Variants in THSD7B observed in about 807,000 individuals in gnomAD.
The protein encoded by THSD7B is thrombospondin type-1 domain-containing protein 7B.
Under a neutral mutation model 213.6 loss-of-function variants are expected in THSD7B, and 138 were observed. The ratio of observed to expected loss-of-function variants is 0.65; its 90% CI spans 0.56 to 0.74. The LOEUF is 0.74. Among genes scored for constraint, THSD7B ranks in the 30% least tolerant of loss-of-function variants. The probability of loss-of-function intolerance (pLI) is 0.00; values close to 1 mark genes in which losing one functional copy is unlikely to be tolerated. For missense variants in THSD7B, 1,931 were observed against 1,991.5 expected (o/e 0.97, Z 0.58); for synonymous variants, 742 against 687.0 (o/e 1.08, Z -1.25).
intron 2 of THSD7B, among the ~76,000 whole-genome samples, chr2:137,037,587 A>G (rs1032611786): frequency 1.3e-5 from 2 of 152,048 alleles, no homozygotes; most frequent in African/African-American, 4.8e-5. Context: ...ATTTCCCAAC[A>G]GGTCTTGATT....
intron 3 of THSD7B, among the ~76,000 whole-genome samples, chr2:137,057,594 G>A (rs1238044525): frequency 6.6e-6 from 1 of 152,182 alleles, no homozygotes; most frequent in Non-Finnish European, 1.5e-5. Flanking sequence ...AATTTCAAAT[G>A]TGGGATATGA....
At chr2:137,670,731 C>T (rs889968671) in intron 27 of THSD7B, among the ~76,000 whole-genome samples, 3 of 152,048 alleles carry the variant, frequency 2.0e-5, no homozygotes, top group African/African-American at 4.8e-5. Flanking sequence ...ACCATCCTAT[C>T]TAACACAGTG....
chr2:137,360,072 T>C (rs1685219426), intron 12 of THSD7B, among the ~76,000 whole-genome samples: 1 of 152,194 alleles, frequency 6.6e-6, no homozygotes. Context: ...TACTAAAAAT[T>C]AACTTGTCAA....
Position 137,430,779 on chromosome 2 carries a change from T to C in THSD7B, c.2959+18907T>C, listed in dbSNP as rs540048796. 6.6e-5 allele frequency among the ~76,000 whole-genome samples: 10 copies of C among 152,220 alleles called. No homozygotes were observed. In the East Asian group the frequency reaches 1.7e-3, roughly 26 times the overall value. On this transcript the variant is annotated intron_variant, in intron 14 of 27. Coordinates refer to ENST00000409968, the MANE Select transcript of THSD7B (RefSeq NM_001316349.2). ...AGAAACCAGCCAGGAGAGAGTGACG[T>C]TGGTCCTGGAGAGTGTGAGACAAGT...
chr2:137,348,902 C>T (rs1362526375), intron 12 of THSD7B, among the ~76,000 whole-genome samples: 1 of 151,228 alleles, frequency 6.6e-6, no homozygotes, highest in Non-Finnish European at 1.5e-5. Flanking sequence ...AGGAGGTTCA[C>T]TTTTTCTGGA....
chr2:137,040,927 G>A (rs536460232), intron 2 of THSD7B, among the ~76,000 whole-genome samples: 9 of 152,272 alleles, frequency 5.9e-5, no homozygotes, highest in African/African-American at 1.9e-4. Flanking sequence ...GAATTATGAG[G>A]TACTCAAACT....
chr2:137,250,103 A>C (rs567130223), intron 10 of THSD7B, among the ~76,000 whole-genome samples: 3 of 152,312 alleles, frequency 2.0e-5, no homozygotes, highest in East Asian at 3.9e-4. Context: ...AGCTACAGAA[A>C]GGCAAGCTAG....
chr2:136,947,689 C>T (rs2105068139), intron 2 of THSD7B, among the ~76,000 whole-genome samples: 1 of 152,310 alleles, frequency 6.6e-6, no homozygotes, highest in East Asian at 1.9e-4. Flanking sequence ...ATAAATCCTA[C>T]ATTGGTTTTT....
chr2:137,572,452 C>G lies in THSD7B; in HGVS notation c.3319C>G (p.Leu1107Val), dbSNP rs752857527. The change falls in exon 17 of 28, where the codon CTG becomes GTG. Residue 1107 changes from leucine to valine, a missense_variant. Physicochemically the swap from Leu to Val is conservative, Grantham distance 32. Coordinates refer to ENST00000409968, the MANE Select transcript of THSD7B (RefSeq NM_001316349.2). ...DGEGGAVDSN[L>V]CNQDEIPPET... ...TGAAGGTGGAGCAGTGGATAGCAAC[C>G]TGTGCAACCAGGATGAAATTCCCCC... 6.2e-7 allele frequency: 1 copy of G among 1,613,904 alleles called. No homozygotes were observed. Among genetic ancestry groups the G allele is most frequent in the South Asian group, 1.1e-5 (1 of 91,076 alleles).
At chr2:136,957,445 T>C (rs1014786519) in intron 2 of THSD7B, among the ~76,000 whole-genome samples, 1 of 152,042 alleles carries the variant, frequency 6.6e-6, no homozygotes, top group African/African-American at 2.4e-5. Context: ...ACGTTTTTTT[T>C]TTTTTTTCTT....
chr2:136,817,483 T>C (rs1682493542), intron 1 of THSD7B, among the ~76,000 whole-genome samples: 2 of 151,648 alleles, frequency 1.3e-5, no homozygotes, highest in Admixed American at 6.6e-5. Context: ...TTCTAGGGTT[T>C]TTATAGTTTT....
intron 1 of THSD7B, among the ~76,000 whole-genome samples, chr2:136,860,089 C>T (rs943156187): frequency 3.0e-4 from 44 of 144,894 alleles, no homozygotes; most frequent in Non-Finnish European, 4.0e-4. Context: ...GTGATCTCGG[C>T]GCACTACAAG....
intron 2 of THSD7B, among the ~76,000 whole-genome samples, chr2:136,972,235 G>A (rs188476156): frequency 6.6e-6 from 1 of 152,244 alleles, no homozygotes; most frequent in East Asian, 1.9e-4. Context: ...GGGGTAGTGA[G>A]AGCTATGTTC....
intron 3 of THSD7B, among the ~76,000 whole-genome samples, chr2:137,063,558 A>G (rs1351013417): frequency 6.6e-6 from 1 of 152,144 alleles, no homozygotes; most frequent in East Asian, 1.9e-4. Flanking sequence ...CTATTTTAAA[A>G]TGCACAATTA....
At chr2:137,597,043 C>A (rs1391329654) in intron 17 of THSD7B, among the ~76,000 whole-genome samples, 1 of 152,014 alleles carries the variant, frequency 6.6e-6, no homozygotes, top group Non-Finnish European at 1.5e-5. Context: ...CATTTTGAAA[C>A]TAGCATTATT....
chr2:137,485,624 T>C (rs894089541), intron 15 of THSD7B, among the ~76,000 whole-genome samples: 1 of 152,090 alleles, frequency 6.6e-6, no homozygotes, highest in African/African-American at 2.4e-5. Flanking sequence ...CAGGGCAACG[T>C]TCAGATTCAG....
At chr2:136,859,710 G>T (rs16837155) in intron 1 of THSD7B, among the ~76,000 whole-genome samples, 1 of 152,246 alleles carries the variant, frequency 6.6e-6, no homozygotes, top group African/African-American at 2.4e-5. Context: ...GCCACAGTGC[G>T]TTTTTATGTT....
intron 20 of THSD7B, among the ~76,000 whole-genome samples, chr2:137,637,128 G>A (rs1412147193): frequency 6.6e-6 from 1 of 152,160 alleles, no homozygotes; most frequent in African/African-American, 2.4e-5. Context: ...GGCTCCTGCT[G>A]TTAGGATTTC....
chr2:136,821,356 A>G (rs1682560839), intron 1 of THSD7B, among the ~76,000 whole-genome samples: 1 of 152,150 alleles, frequency 6.6e-6, no homozygotes, highest in Non-Finnish European at 1.5e-5. Context: ...TTCATTTATA[A>G]TTAGTTTGAA....
Sources: allele counts gnomAD v4.1 joint callset (sites outside exome capture counted in the v4.1 genomes callset), GRCh38; gene constraint gnomAD v4.1.1; transcripts MANE v1.5; gene names NCBI Gene and HGNC (gene_info 2026-07-23, HGNC 2026-07-21).